Variants in SPECC1L observed in about 807,000 individuals in gnomAD.
SPECC1L encodes the protein sperm antigen with calponin homology and coiled-coil domains 1 like.
SPECC1L carries 40 observed loss-of-function variants against 116.8 expected under a neutral mutation model. The observed-to-expected ratio is 0.34, with a 90% CI of 0.27 to 0.45. SPECC1L has a LOEUF of 0.45. Among genes scored for constraint, SPECC1L ranks in the 20% least tolerant of loss-of-function variants. SPECC1L has a pLI of 1.00. For missense variants in SPECC1L, 1,110 were observed against 1,373.6 expected, an observed-to-expected ratio of 0.81 and a Z score of 3.03; for synonymous variants, 504 against 500.6, an observed-to-expected ratio of 1.01 and a Z score of -0.09.
rs747812678 is a variant in SPECC1L at position 24,302,182 on chromosome 22, T to TA, written c.-37-13_-37-12insA. On this transcript the variant is annotated splice_polypyrimidine_tract_variant and intron_variant, in intron 2 of 16. Coordinates refer to ENST00000314328, the MANE Select transcript of SPECC1L (RefSeq NM_015330.6). ...AGTTATGTTCTCAGTGTAATGCCAT[T>TA]TTTTTCCCACAGATTTGCTTGTAAA... is the stretch of plus-strand genomic sequence containing the variant. The TA allele has an allele frequency of 6.8e-6, 11 of 1,607,370 alleles. No individual in the cohort carries two copies. The highest frequency in any genetic ancestry group is 9.4e-6 in the Non-Finnish European group (11 of 1,175,338).
intron 2 of SPECC1L, among the ~76,000 whole-genome samples, chr22:24,280,106 C>G (rs2046528272): frequency 6.6e-6 from 1 of 152,198 alleles, no homozygotes; most frequent in African/African-American, 2.4e-5. Flanking sequence ...TCTGCATCAT[C>G]TGCTCACTCT....
At chr22:24,327,250 C>T (rs2040839877) in intron 6 of SPECC1L, among the ~76,000 whole-genome samples, 1 of 140,082 alleles carries the variant, frequency 7.1e-6, no homozygotes, top group Non-Finnish European at 1.5e-5. Context: ...TGCACTCCAG[C>T]CTGGGCAACA....
intron 6 of SPECC1L, among the ~76,000 whole-genome samples, chr22:24,325,817 A>G (rs1406637326): frequency 6.6e-6 from 1 of 152,118 alleles, no homozygotes; most frequent in Non-Finnish European, 1.5e-5. Flanking sequence ...ATTTGCTGTC[A>G]TTTGTCATGT....
At chr22:24,318,788 G>A (rs2040658157) in intron 4 of SPECC1L, among the ~76,000 whole-genome samples, 1 of 152,060 alleles carries the variant, frequency 6.6e-6, no homozygotes, top group Admixed American at 6.5e-5. Context: ...AATTAGCTGG[G>A]TATGGTGGCG....
intron 16 of SPECC1L, among the ~76,000 whole-genome samples, chr22:24,413,690 G>A (rs1023612501): frequency 2.6e-5 from 4 of 152,136 alleles, no homozygotes; most frequent in East Asian, 1.9e-4. Flanking sequence ...TTTACAACAC[G>A]TGTAAAGTTC....
Position 24,302,061 on chromosome 22 carries a change from T to C in SPECC1L, c.-37-134T>C. The C allele has an allele frequency of 1.6e-5, 10 of 616,168 alleles. No individual in the cohort carries two copies. In the South Asian group the frequency reaches 1.7e-4, roughly 11 times the overall value. 38.2% of individuals were successfully genotyped at this position (616,168 alleles called of 1,614,324 possible). A position where few individuals can be genotyped will look rare whatever the true frequency, so the allele number is the denominator to read the frequency against. ...ACTCCGTCTCAAAAAAAAAAAAAAA[T>C]TTTTTTTCAACTTTTCTGTAGTGAC... On this transcript the variant is annotated intron_variant, in intron 2 of 16. Transcript: ENST00000314328.
rs200503165 is a variant in SPECC1L, at chr22:24,363,347, G to A, written c.2827+3G>A. The A allele has an allele frequency of 1.9e-6, 3 of 1,613,152 alleles. No homozygotes were observed. Among genetic ancestry groups the A allele is most frequent in the Non-Finnish European group, 2.5e-6 (3 of 1,179,132 alleles). Reference sequence around the variant, plus strand: ...GGAAAGTGCCAAGACCCTCTCAGGTGATGACTTTCATCTGAATTTTTGTTG... The same window carrying A: ...GGAAAGTGCCAAGACCCTCTCAGGTAATGACTTTCATCTGAATTTTTGTTG... On this transcript the variant is annotated splice_donor_region_variant and intron_variant, in intron 12 of 16. Coordinates refer to ENST00000314328, the MANE Select transcript of SPECC1L (RefSeq NM_015330.6).
At chr22:24,400,956 G>T (rs2042462147) in intron 14 of SPECC1L, among the ~76,000 whole-genome samples, 1 of 152,110 alleles carries the variant, frequency 6.6e-6, no homozygotes, top group Non-Finnish European at 1.5e-5. Flanking sequence ...GTTCTTAATG[G>T]AAATTTTCAA....
chr22:24,381,554 G>A (rs567544832), intron 14 of SPECC1L, among the ~76,000 whole-genome samples: 2 of 152,218 alleles, frequency 1.3e-5, no homozygotes, highest in East Asian at 3.9e-4. Flanking sequence ...TATGTGTTAT[G>A]CTTTACTTGA....
intron 15 of SPECC1L, chr22:24,412,144 C>T (rs2042710295): frequency 5.7e-6 from 2 of 352,308 alleles, no homozygotes; most frequent in African/African-American, 2.1e-5. Flanking sequence ...CTGTGCACTC[C>T]AGGGCATGGT....
intron 2 of SPECC1L, among the ~76,000 whole-genome samples, chr22:24,298,866 GAAT>G (rs2049319531): frequency 6.6e-6 from 1 of 152,200 alleles, no homozygotes; most frequent in Non-Finnish European, 1.5e-5. Flanking sequence ...GAAACACGCA[GAAT>G]AATATTTGAC....
At chr22:24,393,506 T>C (rs558006705) in intron 14 of SPECC1L, among the ~76,000 whole-genome samples, 1 of 152,312 alleles carries the variant, frequency 6.6e-6, no homozygotes, top group South Asian at 2.1e-4. Context: ...CCATCAGACA[T>C]CAGCTTTTGA....
chr22:24,354,321 C>G (rs2041484439), intron 11 of SPECC1L, among the ~76,000 whole-genome samples: 2 of 152,226 alleles, frequency 1.3e-5, no homozygotes, highest in Non-Finnish European at 2.9e-5. Context: ...ATTTTGCCCA[C>G]AACAGTTATT....
chr22:24,396,728 G>T (rs766346940), intron 14 of SPECC1L, among the ~76,000 whole-genome samples: 1 of 152,268 alleles, frequency 6.6e-6, no homozygotes, highest in African/African-American at 2.4e-5. Context: ...TTACTGTACT[G>T]CATAGAAGTT....
rs749703952 is a variant in SPECC1L at position 24,414,674 on chromosome 22, C to T, written c.*51C>T. ...AGCGGGGGTACCCCTCCACAGCGAC[C>T]GAGCGACACCGACGCCATTAGCTAC... On this transcript the variant is annotated 3_prime_UTR_variant, in exon 17 of 17. Transcript: ENST00000314328. The T allele has an allele frequency of 5.9e-6, 9 of 1,512,686 alleles. No individual in the cohort carries two copies. The highest frequency in any genetic ancestry group is 4.5e-5 in the East Asian group (2 of 44,364). The allele number at this position is 1,512,686 out of a possible 1,614,324, so 93.7% of individuals were successfully genotyped here.
intron 11 of SPECC1L, among the ~76,000 whole-genome samples, chr22:24,350,504 T>C (rs1358882867): frequency 6.6e-6 from 1 of 152,188 alleles, no homozygotes; most frequent in African/African-American, 2.4e-5. Flanking sequence ...TATTACTATA[T>C]GTGTGAACTT....
chr22:24,316,485 C>A (rs1003322817), intron 4 of SPECC1L, among the ~76,000 whole-genome samples: 1 of 151,218 alleles, frequency 6.6e-6, no homozygotes, highest in Non-Finnish European at 1.5e-5. Context: ...TGACTCTGAA[C>A]GAGCATGCTG....
chr22:24,277,274 G>A (rs375844136), intron 2 of SPECC1L, among the ~76,000 whole-genome samples: 4 of 143,890 alleles, frequency 2.8e-5, no homozygotes, highest in Non-Finnish European at 4.6e-5. Context: ...CCCAGTCTCC[G>A]GTACCCTATC....
intron 4 of SPECC1L, among the ~76,000 whole-genome samples, chr22:24,318,100 C>T (rs2040638319): frequency 6.8e-6 from 1 of 147,908 alleles, no homozygotes; most frequent in African/African-American, 2.7e-5. Context: ...CAGAGACGCT[C>T]CTCACTTCCC....
Sources: gnomAD v4.1 joint callset for allele counts (sites outside exome capture counted in the v4.1 genomes callset) on GRCh38, gnomAD v4.1.1 for gene constraint, MANE v1.5 for transcripts, NCBI Gene and HGNC (gene_info 2026-07-23, HGNC 2026-07-21) for gene names.